LRP5: variants seen among roughly 807,000 people sequenced by gnomAD.
LRP5 encodes the protein LDL receptor related protein 5.
Under a neutral mutation model 154.1 loss-of-function variants are expected in LRP5, and 62 were observed. The ratio of observed to expected loss-of-function variants is 0.40; its 90% CI spans 0.33 to 0.50. The LOEUF is 0.50. LRP5 is among the 20% of genes least tolerant of loss of function. The pLI, the probability that LRP5 is intolerant of heterozygous loss-of-function variation, is 0.55. For missense variants in LRP5, 1,915 were observed against 2,336.7 expected, an observed-to-expected ratio of 0.82 and a Z score of 3.72; for synonymous variants, 966 against 1,011.5, an observed-to-expected ratio of 0.96 and a Z score of 0.85.
chr11:68,319,586 G>T (rs548717387), intron 1 of LRP5, among the ~76,000 whole-genome samples: 60 of 152,088 alleles, frequency 3.9e-4, no homozygotes, highest in African/African-American at 1.4e-3. Flanking sequence ...CAACTCCTGG[G>T]CTCAAAGGAT....
chr11:68,432,387 T>C (rs2153177767), intron 17 of LRP5, among the ~76,000 whole-genome samples: 1 of 152,336 alleles, frequency 6.6e-6, no homozygotes, highest in Admixed American at 6.5e-5. Context: ...TCAGCCGTCG[T>C]GGGCTGACCC....
chr11:68,346,011 T>C (rs1348220006), intron 1 of LRP5, among the ~76,000 whole-genome samples: 1 of 152,176 alleles, frequency 6.6e-6, no homozygotes, highest in Non-Finnish European at 1.5e-5. Context: ...ATTTTTGAGT[T>C]GGCTTAGTTG....
intron 2 of LRP5, among the ~76,000 whole-genome samples, chr11:68,351,964 C>T (rs928500911): frequency 6.6e-6 from 1 of 152,018 alleles, no homozygotes; most frequent in Admixed American, 6.5e-5. Context: ...TGGGGCGGGG[C>T]CTGTTTGAGG....
chr11:68,316,335 G>A (rs192078992), intron 1 of LRP5, among the ~76,000 whole-genome samples: 14 of 152,064 alleles, frequency 9.2e-5, no homozygotes, highest in Admixed American at 9.2e-4. Context: ...GCGGTGGTGC[G>A]ATCTTGGCTC....
chr11:68,400,357 G>A (rs772133006), intron 7 of LRP5, among the ~76,000 whole-genome samples: 1 of 152,154 alleles, frequency 6.6e-6, no homozygotes, highest in Non-Finnish European at 1.5e-5. Flanking sequence ...AACATGTCTG[G>A]AAGTTTGGTA....
intron 1 of LRP5, among the ~76,000 whole-genome samples, chr11:68,314,860 C>T (rs2098591927): frequency 6.6e-6 from 1 of 152,354 alleles, no homozygotes; most frequent in Non-Finnish European, 1.5e-5. Context: ...GTGTTTAGCT[C>T]CCCTCTTCAG....
intron 9 of LRP5, among the ~76,000 whole-genome samples, chr11:68,407,394 A>T: frequency 1.4e-5 from 2 of 147,602 alleles, no homozygotes; most frequent in East Asian, 2.0e-4. Context: ...CTGGTCTTGA[A>T]CTCCTGACCT....
chr11:68,404,654 C>T (rs1352101289), intron 8 of LRP5, among the ~76,000 whole-genome samples: 1 of 152,092 alleles, frequency 6.6e-6, no homozygotes, highest in Non-Finnish European at 1.5e-5. Flanking sequence ...TTTAGTTTTC[C>T]CAGCCTCCTT....
intron 14 of LRP5, 41 bp from the exon 15 acceptor site, chr11:68,425,061 G>A (rs781535187): frequency 1.2e-5 from 19 of 1,589,356 alleles, no homozygotes; most frequent in Admixed American, 5.0e-5. Context: ...CCGAGGAGAC[G>A]CCATCCCCAC....
chr11:68,383,967 C>A (rs1044566094), intron 5 of LRP5, among the ~76,000 whole-genome samples: 1 of 152,210 alleles, frequency 6.6e-6, no homozygotes. Flanking sequence ...AAATCAGATG[C>A]CCCTGACCAG....
chr11:68,342,368 G>A (rs777831648), intron 1 of LRP5, among the ~76,000 whole-genome samples: 8 of 152,104 alleles, frequency 5.3e-5, no homozygotes, highest in African/African-American at 9.7e-5. Flanking sequence ...GGGCCTTGGT[G>A]CGAGGCCCTC....
chr11:68,306,221 C>T, the LRP5 span, among the ~76,000 whole-genome samples: 7 of 151,998 alleles, frequency 4.6e-5, 1 homozygote, highest in South Asian at 1.0e-3. Context: ...CTGCAACCTC[C>T]GCCTCCCAGG....
Position 68,438,127 on chromosome 11 carries a change from G to C in LRP5, c.4112-319G>C, listed in dbSNP as rs139857216. Among the ~76,000 whole-genome samples, 1,768 of 152,238 alleles carry C rather than the reference G, an allele frequency of 0.012. 17 individuals carry two copies. The highest frequency in any genetic ancestry group is 0.027 in the African/African-American group (1,123 of 41,558). On this transcript the variant is annotated intron_variant, in intron 19 of 22. Transcript: ENST00000294304. Reference sequence around the variant, plus strand: ...ACATCACCTGGGCTGGCCAGGGCGCGCTCACTTCTGCCACCACCGAGGGCC... The same window carrying C: ...ACATCACCTGGGCTGGCCAGGGCGCCCTCACTTCTGCCACCACCGAGGGCC...
intron 13 of LRP5, among the ~76,000 whole-genome samples, chr11:68,421,167 C>T (rs1044042957): frequency 7.9e-5 from 12 of 152,018 alleles, no homozygotes; most frequent in East Asian, 3.9e-4. Context: ...GCGGAGCTTG[C>T]GGTGAGCCGA....
the LRP5 span, among the ~76,000 whole-genome samples, chr11:68,306,496 C>T: frequency 3.9e-5 from 6 of 152,208 alleles, no homozygotes; most frequent in African/African-American, 7.2e-5. Context: ...GGATAATCCA[C>T]GATGAGCTCC....
chr11:68,444,782 C>T (rs1179876285), intron 21 of LRP5, among the ~76,000 whole-genome samples: 1 of 152,104 alleles, frequency 6.6e-6, no homozygotes, highest in Non-Finnish European at 1.5e-5. Context: ...TGGAAACAGA[C>T]CCCATAGGCT....
intron 7 of LRP5, among the ~76,000 whole-genome samples, chr11:68,391,263 C>T (rs2098646154): frequency 6.6e-6 from 1 of 152,068 alleles, no homozygotes; most frequent in Admixed American, 6.6e-5. Context: ...GCCACCGCGC[C>T]CAGCCTCTGT....
chr11:68,337,961 C>T (rs755550900), intron 1 of LRP5, among the ~76,000 whole-genome samples: 1 of 152,230 alleles, frequency 6.6e-6, no homozygotes, highest in African/African-American at 2.4e-5. Flanking sequence ...CATCCCCAGG[C>T]TCCAGGCATT....
At chr11:68,377,290 ACC>A (rs1394523330) in intron 5 of LRP5, among the ~76,000 whole-genome samples, 1 of 152,028 alleles carries the variant, frequency 6.6e-6, no homozygotes, top group Admixed American at 6.6e-5. Context: ...GGCTGCCCTG[ACC>A]CCAGGCAGAG....
Sources: gnomAD v4.1 joint callset for allele counts (sites outside exome capture counted in the v4.1 genomes callset) on GRCh38, gnomAD v4.1.1 for gene constraint, MANE v1.5 for transcripts, NCBI Gene and HGNC (gene_info 2026-07-23, HGNC 2026-07-21) for gene names.